Variants in KIAA1217 observed in about 807,000 individuals in gnomAD.
KIAA1217 encodes the protein sickle tail protein homolog.
A neutral mutation model predicts 163.9 loss-of-function variants in KIAA1217; 88 were observed. That is an observed-to-expected ratio of 0.54 (90% CI 0.45 to 0.64). The LOEUF is 0.64. Among genes scored for constraint, KIAA1217 ranks in the 30% least tolerant of loss-of-function variants. The probability of loss-of-function intolerance (pLI) is 0.00; values close to 1 mark genes in which losing one functional copy is unlikely to be tolerated. For missense variants in KIAA1217, 2,372 were observed against 2,475.0 expected (o/e 0.96, Z 0.88); for synonymous variants, 903 against 923.1 (o/e 0.98, Z 0.39).
At chr10:24,253,294 G>A (rs988240027) in intron 2 of KIAA1217, among the ~76,000 whole-genome samples, 2 of 152,112 alleles carry the variant, frequency 1.3e-5, no homozygotes, top group Non-Finnish European at 2.9e-5. Context: ...GTCCCCTTTC[G>A]ATGGGGTAGT....
chr10:23,858,085 C>T (rs952139372), intron 1 of KIAA1217, among the ~76,000 whole-genome samples: 15 of 152,018 alleles, frequency 9.9e-5, no homozygotes, highest in South Asian at 2.1e-4. Flanking sequence ...CTCTAGAATA[C>T]AGCAGGAAAG....
chr10:24,248,538 G>A (rs2074092903), intron 2 of KIAA1217, among the ~76,000 whole-genome samples: 1 of 151,852 alleles, frequency 6.6e-6, no homozygotes, highest in Admixed American at 6.6e-5. Flanking sequence ...GGGCATGGTG[G>A]CGGGTGCCTG....
At chr10:23,998,023 C>T (rs1846571624) in intron 1 of KIAA1217, among the ~76,000 whole-genome samples, 1 of 151,260 alleles carries the variant, frequency 6.6e-6, no homozygotes, top group African/African-American at 2.4e-5. Flanking sequence ...ACTGCCTGTT[C>T]TCTGAATCCC....
chr10:24,461,891 T>C (rs1398604437), intron 5 of KIAA1217, among the ~76,000 whole-genome samples: 1 of 152,074 alleles, frequency 6.6e-6, no homozygotes, highest in Non-Finnish European at 1.5e-5. Context: ...TGTGCCTCTG[T>C]GGGTGGTGCA....
At chr10:23,816,599 C>G (rs191241579) in intron 1 of KIAA1217, among the ~76,000 whole-genome samples, 24 of 152,224 alleles carry the variant, frequency 1.6e-4, no homozygotes, top group Admixed American at 1.6e-3. Context: ...GTCAGGAGTT[C>G]ACTTTTTGAT....
At chr10:23,775,907 T>A (rs1429773821) in intron 1 of KIAA1217, among the ~76,000 whole-genome samples, 1 of 152,252 alleles carries the variant, frequency 6.6e-6, no homozygotes, top group East Asian at 1.9e-4. Context: ...TTAAGCCATT[T>A]TATGTGTAGC....
intron 2 of KIAA1217, among the ~76,000 whole-genome samples, chr10:24,020,416 A>G (rs1847681641): frequency 6.6e-6 from 1 of 152,110 alleles, no homozygotes; most frequent in African/African-American, 2.4e-5. Context: ...GCTGCTCATA[A>G]GCTTGAGGTT....
In KIAA1217 at chr10:24,038,900, T is replaced by C. The variant is rs966348615; in HGVS notation, c.-171+31526T>C. 5.3e-5 allele frequency among the ~76,000 whole-genome samples: 8 copies of C among 152,162 alleles called. No homozygotes were observed. In the East Asian group the frequency reaches 1.4e-3, roughly 26 times the overall value. On this transcript the variant is annotated intron_variant, in intron 2 of 18. Transcript: ENST00000376462. Reference sequence around the variant, plus strand: ...TTGGGACTCTAGGCATGTGCCACCATGCCCGGCTAAGTTTTGTATTTTTCG... The same window carrying C: ...TTGGGACTCTAGGCATGTGCCACCACGCCCGGCTAAGTTTTGTATTTTTCG...
chr10:23,794,436 T>C (rs1276975697), intron 1 of KIAA1217, among the ~76,000 whole-genome samples: 2 of 152,242 alleles, frequency 1.3e-5, no homozygotes, highest in African/African-American at 4.8e-5. Context: ...AAGCTCAAGT[T>C]TTCACTAAAG....
In KIAA1217 at chr10:24,321,057, CA is replaced by C. The variant is rs34148404; in HGVS notation, c.355-59804del. ...GCGAGACTCCATCTCAAAAAAAAAA[CA>C]AAAAAAATGCTACAGAGAAAGGGGA... is the stretch of plus-strand genomic sequence containing the variant. On this transcript the variant is annotated intron_variant, in intron 2 of 20. Coordinates refer to ENST00000376454, the MANE Select transcript of KIAA1217 (RefSeq NM_019590.5). 4.3e-3 allele frequency among the ~76,000 whole-genome samples: 643 copies of C among 149,148 alleles called. 2 individuals carry two copies. The highest frequency in any genetic ancestry group is 5.7e-3 in the Admixed American group (86 of 14,972).
intron 1 of KIAA1217, among the ~76,000 whole-genome samples, chr10:23,870,058 A>G (rs985990552): frequency 6.6e-6 from 1 of 152,160 alleles, no homozygotes; most frequent in South Asian, 2.1e-4. Flanking sequence ...ATACGTGAAC[A>G]TGAAATGTAG....
chr10:24,182,449 C>CACACACACACACACAA (rs2066225671), intron 2 of KIAA1217, among the ~76,000 whole-genome samples: 1 of 151,660 alleles, frequency 6.6e-6, no homozygotes, highest in Non-Finnish European at 1.5e-5. Context: ...CACACACACA[C>CACACACACACACACAA]ACACACACAC....
intron 1 of KIAA1217, among the ~76,000 whole-genome samples, chr10:23,747,147 G>A (rs1206695727): frequency 3.3e-5 from 5 of 152,136 alleles, no homozygotes; most frequent in Admixed American, 1.3e-4. Flanking sequence ...TCAGAGGAAC[G>A]TAATCTGATT....
In KIAA1217 at chr10:24,030,964, TG is replaced by T. The variant is rs547610853; in HGVS notation, c.-171+23591del. On this transcript the variant is annotated intron_variant, in intron 2 of 18. Coordinates refer to the KIAA1217 transcript ENST00000376462. The stretch of plus-strand genomic sequence containing the variant: ...AAGGTTGTTTCTACCTTTTGGATCT[TG>T]TTAATAATACTATTATGAGCATGGC... 1.1e-4 allele frequency among the ~76,000 whole-genome samples: 17 copies of T among 152,346 alleles called. No homozygotes were observed. In the East Asian group the frequency reaches 2.9e-3, roughly 26 times the overall value.
chr10:24,139,312 A>G (rs2063958633), intron 2 of KIAA1217, among the ~76,000 whole-genome samples: 1 of 152,130 alleles, frequency 6.6e-6, no homozygotes, highest in Non-Finnish European at 1.5e-5. Flanking sequence ...CTAAATAATT[A>G]TTCCAAAACA....
At chr10:24,388,671 G>A (rs1456074573) in intron 3 of KIAA1217, among the ~76,000 whole-genome samples, 5 of 151,926 alleles carry the variant, frequency 3.3e-5, no homozygotes, top group Non-Finnish European at 5.9e-5. Context: ...CTGACAAAGG[G>A]CTAATATCCA....
Position 23,765,137 on chromosome 10 carries a change from CTT to C in KIAA1217, c.-321+69904_-321+69905del, listed in dbSNP as rs1416305310. ...TAGTTATGATAAACACCATAGGACT[CTT>C]GTCTGTTGGTTAGAAAATTTTTTCT... On this transcript the variant is annotated intron_variant, in intron 1 of 18. Coordinates refer to the KIAA1217 transcript ENST00000376462. Among the ~76,000 whole-genome samples, 4 of 143,188 alleles carry C rather than the reference CTT, an allele frequency of 2.8e-5. No homozygotes were observed. The East Asian group carries it at 6.1e-4, about 22-fold the overall frequency. The allele number at this position is 143,188 out of a possible 152,430, so 93.9% of individuals were successfully genotyped here. A position where few individuals can be genotyped will look rare whatever the true frequency, so the allele number is the denominator to read the frequency against.
chr10:24,144,313 T>C (rs965877512), intron 2 of KIAA1217, among the ~76,000 whole-genome samples: 5 of 152,224 alleles, frequency 3.3e-5, no homozygotes, highest in African/African-American at 7.2e-5. Flanking sequence ...AATATTTGCA[T>C]GTCATCTTGT....
intron 5 of KIAA1217, among the ~76,000 whole-genome samples, chr10:24,453,778 G>A (rs980087215): frequency 6.6e-6 from 1 of 152,160 alleles, no homozygotes; most frequent in Non-Finnish European, 1.5e-5. Context: ...ATGTTGTTTT[G>A]AATGAATGTT....
Sources: allele counts gnomAD v4.1 joint callset (sites outside exome capture counted in the v4.1 genomes callset), GRCh38; gene constraint gnomAD v4.1.1; transcripts MANE v1.5; gene names NCBI Gene and HGNC (gene_info 2026-07-23, HGNC 2026-07-21).